The following DYM variants were observed in gnomAD, a reference collection of about 807,000 sequenced individuals.
DYM encodes dyggve-Melchior-Clausen syndrome protein.
DYM carries 78 observed loss-of-function variants against 93.1 expected under a neutral mutation model. The observed-to-expected ratio is 0.84, with a 90% CI of 0.70 to 1.01. The LOEUF (loss-of-function observed/expected upper bound fraction) is 1.01, where lower values mean the gene tolerates loss of function less well. DYM is among the 50% of genes least tolerant of loss of function. The pLI is 0.00. For missense variants in DYM, 789 were observed against 845.0 expected (o/e 0.93, Z 0.82); for synonymous variants, 321 against 319.7 (o/e 1.00, Z -0.04).
At chr18:49,108,218 T>C (rs1482882353) in intron 16 of DYM, among the ~76,000 whole-genome samples, 1 of 152,226 alleles carries the variant, frequency 6.6e-6, no homozygotes, top group Non-Finnish European at 1.5e-5. Context: ...GCACGGGATA[T>C]AATCTCCTGG....
At chr18:49,245,888 T>C (rs778066659) in intron 13 of DYM, among the ~76,000 whole-genome samples, 24 of 152,226 alleles carry the variant, frequency 1.6e-4, no homozygotes, top group Non-Finnish European at 3.4e-4. Flanking sequence ...CTCTTTGTGC[T>C]CTTTCTCTTT....
chr18:49,098,970 T>C (rs1427431523), intron 16 of DYM, among the ~76,000 whole-genome samples: 1 of 152,208 alleles, frequency 6.6e-6, no homozygotes, highest in African/African-American at 2.4e-5. Context: ...AAACTGAGCA[T>C]AGTTTTTCTG....
intron 6 of DYM, among the ~76,000 whole-genome samples, chr18:49,354,228 C>G (rs2065355074): frequency 6.6e-6 from 1 of 151,946 alleles, no homozygotes; most frequent in Non-Finnish European, 1.5e-5. Flanking sequence ...AAAAAAAAGA[C>G]AGATCTAAAT....
intron 14 of DYM, among the ~76,000 whole-genome samples, chr18:49,181,808 A>G (rs926556034): frequency 1.3e-5 from 2 of 152,126 alleles, no homozygotes; most frequent in Non-Finnish European, 2.9e-5. Flanking sequence ...TGTTTTCTAT[A>G]TCAGTGATTC....
At chr18:49,315,276 G>A (rs1308633185) in intron 8 of DYM, among the ~76,000 whole-genome samples, 2 of 151,826 alleles carry the variant, frequency 1.3e-5, no homozygotes, top group African/African-American at 4.8e-5. Flanking sequence ...ATACATGTTA[G>A]GTTCCATAAA....
At chr18:49,149,710 T>G (rs1292593840) in intron 15 of DYM, among the ~76,000 whole-genome samples, 1 of 141,176 alleles carries the variant, frequency 7.1e-6, no homozygotes, top group Non-Finnish European at 1.5e-5. Context: ...GTGTTTTTTT[T>G]TTTTTTTTTT....
chr18:49,220,556 GAT>G (rs2093306695), intron 13 of DYM, among the ~76,000 whole-genome samples: 1 of 149,412 alleles, frequency 6.7e-6, no homozygotes. Context: ...CCAAAACAGA[GAT>G]ATAGATCAAT....
chr18:49,143,050 T>C (rs1477997317), intron 15 of DYM, among the ~76,000 whole-genome samples: 2 of 152,230 alleles, frequency 1.3e-5, no homozygotes, highest in African/African-American at 2.4e-5. Context: ...CATATTTGAA[T>C]ACAATCATAT....
At chr18:49,118,216 C>T (rs928345091) in intron 16 of DYM, among the ~76,000 whole-genome samples, 1 of 151,812 alleles carries the variant, frequency 6.6e-6, no homozygotes, top group African/African-American at 2.4e-5. Flanking sequence ...AGCAATTTGG[C>T]AACCTGTGTT....
chr18:49,362,762 G>C (rs979520795), intron 6 of DYM, among the ~76,000 whole-genome samples: 1 of 152,096 alleles, frequency 6.6e-6, no homozygotes, highest in South Asian at 2.1e-4. Context: ...ACGAAAACCT[G>C]GCTTCAAAAG....
At chr18:49,129,444 A>G (rs151299350) in intron 15 of DYM, among the ~76,000 whole-genome samples, 1 of 152,344 alleles carries the variant, frequency 6.6e-6, no homozygotes, top group East Asian at 1.9e-4. Context: ...ATGAATTCCA[A>G]AGAGGGTCAA....
chr18:49,177,324 G>A (rs2089490450), intron 14 of DYM, among the ~76,000 whole-genome samples: 2 of 152,136 alleles, frequency 1.3e-5, no homozygotes, highest in African/African-American at 2.4e-5. Context: ...ATTTTACAAA[G>A]ATAGTCACAG....
chr18:49,444,253 AG>A (rs1401243057), intron 1 of DYM, among the ~76,000 whole-genome samples: 1 of 152,212 alleles, frequency 6.6e-6, no homozygotes, highest in East Asian at 1.9e-4. Context: ...CAGAAATAGA[AG>A]CTAAATATCC....
chr18:49,175,233 A>G (rs1051701253), intron 14 of DYM, among the ~76,000 whole-genome samples: 1 of 152,192 alleles, frequency 6.6e-6, no homozygotes, highest in Non-Finnish European at 1.5e-5. Context: ...ATGGTCTAAA[A>G]TATGCTTACT....
chr18:49,180,684 G>C (rs141134391), intron 14 of DYM, among the ~76,000 whole-genome samples: 3 of 152,014 alleles, frequency 2.0e-5, no homozygotes, highest in African/African-American at 7.2e-5. Context: ...TATGCAGAAA[G>C]GAATATAGGC....
chr18:49,253,113 T>C (rs915072882), intron 13 of DYM, among the ~76,000 whole-genome samples: 18 of 152,210 alleles, frequency 1.2e-4, no homozygotes, highest in African/African-American at 4.3e-4. Context: ...TTCATAGCAA[T>C]GTAACATGTT....
At chr18:49,143,310 T>C (rs1012590150) in intron 15 of DYM, among the ~76,000 whole-genome samples, 14 of 152,096 alleles carry the variant, frequency 9.2e-5, no homozygotes, top group Non-Finnish European at 7.4e-5. Flanking sequence ...CACAGTGCAA[T>C]GAAAAGAGAA....
At chr18:49,171,285 T>C (rs1256896044) in intron 14 of DYM, among the ~76,000 whole-genome samples, 1 of 152,186 alleles carries the variant, frequency 6.6e-6, no homozygotes, top group Non-Finnish European at 1.5e-5. Flanking sequence ...GTGGAGGTTC[T>C]GTCTTTGAAA....
chr18:49,323,797 C>T (rs1226635659), intron 8 of DYM, among the ~76,000 whole-genome samples: 3 of 152,204 alleles, frequency 2.0e-5, no homozygotes, highest in Non-Finnish European at 2.9e-5. Context: ...ATCTAACATC[C>T]TGTCCCATAA....
Sources: gnomAD v4.1 joint callset for allele counts (sites outside exome capture counted in the v4.1 genomes callset) on GRCh38, gnomAD v4.1.1 for gene constraint, MANE v1.5 for transcripts, NCBI Gene and HGNC (gene_info 2026-07-23, HGNC 2026-07-21) for gene names.